Variants in SORCS2 observed in about 807,000 individuals in gnomAD.
SORCS2 encodes VPS10 domain-containing receptor SorCS2.
SORCS2 carries 100 observed loss-of-function variants against 141.6 expected under a neutral mutation model. The observed-to-expected ratio is 0.71, with a 90% CI of 0.60 to 0.83. The LOEUF (loss-of-function observed/expected upper bound fraction) is 0.83. Among genes scored for constraint, SORCS2 ranks in the 40% least tolerant of loss-of-function variants. The probability of loss-of-function intolerance (pLI) is 0.00; values close to 1 mark genes in which losing one functional copy is unlikely to be tolerated. For missense variants in SORCS2, 1,646 were observed against 1,560.2 expected (o/e 1.05, Z -0.93); for synonymous variants, 789 against 676.9 (o/e 1.17, Z -2.57).
At chr4:7,396,454 GC>G (rs1474756035) in intron 2 of SORCS2, 99 bp downstream of exon 2, 1 of 1,263,414 alleles carries the variant, frequency 7.9e-7, no homozygotes, top group East Asian at 2.4e-5. Context: ...CACTGTGGCA[GC>G]CCCTGTGAGT....
rs572212439 is a variant in SORCS2 at position 7,207,441 on chromosome 4, C to T, written c.480+14315C>T. The stretch of plus-strand genomic sequence containing the variant: ...GCCCAGCTGCTGGGCTGGAGTGTGG[C>T]GGCCACCGTGGCCAGACAATTCAGG... On this transcript the variant is annotated intron_variant, in intron 1 of 26. Transcript: ENST00000507866. Among the ~76,000 whole-genome samples, 6 of 152,316 alleles carry T rather than the reference C, an allele frequency of 3.9e-5. No homozygotes were observed. In the South Asian group the frequency reaches 8.3e-4, roughly 21 times the overall value.
chr4:7,259,347 T>C lies in SORCS2; in HGVS notation c.480+66221T>C, dbSNP rs981717976. ...ATGACTGGGGGATTTGAACCCAGGT[T>C]GTGGGACTCAGGATCTCCTCAGAAC... On this transcript the variant is annotated intron_variant, in intron 1 of 26. Transcript: ENST00000507866. Among the ~76,000 whole-genome samples, 17 of 152,312 alleles carry C rather than the reference T, an allele frequency of 1.1e-4. 1 individual carries two copies. Among genetic ancestry groups the C allele is most frequent in the African/African-American group, 3.8e-4 (16 of 41,564 alleles).
At chr4:7,422,813 C>G (rs896146513) in intron 2 of SORCS2, among the ~76,000 whole-genome samples, 1 of 152,198 alleles carries the variant, frequency 6.6e-6, no homozygotes, top group Non-Finnish European at 1.5e-5. Context: ...CCAAAGTGAA[C>G]TTCAGAGAGC....
chr4:7,685,535 G>T lies in SORCS2; in HGVS notation c.1488+2646G>T, dbSNP rs183455621. On this transcript the variant is annotated intron_variant, in intron 10 of 26. Transcript: ENST00000507866. ...AAAATACAAAAATTAGCCAGGCATG[G>T]TGGCACATGCCTATAATCCCACCTA... Among the ~76,000 whole-genome samples the T allele has an allele frequency of 6.0e-3, 913 of 152,304 alleles. 13 individuals are homozygous for T. The highest frequency in any genetic ancestry group is 0.021 in the African/African-American group (857 of 41,554).
intron 1 of SORCS2, among the ~76,000 whole-genome samples, chr4:7,243,150 C>T (rs1294003674): frequency 6.6e-6 from 1 of 152,186 alleles, no homozygotes; most frequent in Admixed American, 6.5e-5. Flanking sequence ...CACGCACAAG[C>T]TCTGGGGGAT....
At chr4:7,296,571 C>T (rs543083265) in intron 1 of SORCS2, among the ~76,000 whole-genome samples, 4 of 152,308 alleles carry the variant, frequency 2.6e-5, no homozygotes, top group East Asian at 1.9e-4. Context: ...CTCGCTCCTG[C>T]GAGGCACCGA....
In SORCS2 at chr4:7,570,995, T is replaced by G. The variant is rs374928468; in HGVS notation, c.648+39366T>G. Among the ~76,000 whole-genome samples the G allele has an allele frequency of 8.5e-5, 13 of 152,220 alleles. No individual in the cohort carries two copies. The South Asian group carries it at 2.5e-3, about 29-fold the overall frequency. The stretch of plus-strand genomic sequence containing the variant: ...AGGGAGACTTCAGAGGCGCAGCCAC[T>G]CTCCAAGGAAATCCCTGCCTGTGGC... On this transcript the variant is annotated intron_variant, in intron 3 of 26. Transcript: ENST00000507866.
At chr4:7,372,943 G>A (rs1476469208) in intron 1 of SORCS2, among the ~76,000 whole-genome samples, 1 of 151,410 alleles carries the variant, frequency 6.6e-6, no homozygotes, top group Non-Finnish European at 1.5e-5. Context: ...GTCTTCCATC[G>A]TGTGAATGAG....
intron 2 of SORCS2, among the ~76,000 whole-genome samples, chr4:7,452,933 T>G (rs1351845267): frequency 7.4e-6 from 1 of 134,956 alleles, no homozygotes; most frequent in African/African-American, 3.0e-5. Flanking sequence ...TCAGGAGCTG[T>G]GTGTTGGGGT....
chr4:7,551,258 T>A lies in SORCS2; in HGVS notation c.648+19629T>A, dbSNP rs114555728. 3.1e-3 allele frequency among the ~76,000 whole-genome samples: 462 copies of A among 148,104 alleles called. 3 individuals are homozygous for A. The highest frequency in any genetic ancestry group is 0.011 in the African/African-American group (429 of 40,520). ...CAAATAAAAGGATTGCTTTTATCAA[T>A]GTAATCCTCAGGCCAGAGTTCCATG... is the stretch of plus-strand genomic sequence containing the variant. On this transcript the variant is annotated intron_variant, in intron 3 of 26. Transcript: ENST00000507866.
intron 1 of SORCS2, among the ~76,000 whole-genome samples, chr4:7,199,658 G>T (rs534303109): frequency 6.6e-6 from 1 of 151,080 alleles, no homozygotes; most frequent in African/African-American, 2.4e-5. Flanking sequence ...GCGTAGACCC[G>T]CTTCCCTGGC....
At chr4:7,735,687 G>A (rs1346623961) in intron 25 of SORCS2, among the ~76,000 whole-genome samples, 4 of 152,166 alleles carry the variant, frequency 2.6e-5, no homozygotes, top group East Asian at 1.9e-4. Context: ...ACTGGCTTCC[G>A]AACAGGTCTA....
chr4:7,263,079 C>T (rs751046576), intron 1 of SORCS2, among the ~76,000 whole-genome samples: 6 of 152,172 alleles, frequency 3.9e-5, no homozygotes, highest in Middle Eastern at 3.2e-3. Context: ...CAGAGACCTG[C>T]GATTAAATCT....
chr4:7,399,554 A>T (rs1002969274), intron 2 of SORCS2, among the ~76,000 whole-genome samples: 3 of 151,910 alleles, frequency 2.0e-5, no homozygotes, highest in African/African-American at 7.3e-5. Context: ...TGTGGTGGTG[A>T]TGGGGGTCTC....
intron 2 of SORCS2, among the ~76,000 whole-genome samples, chr4:7,503,879 G>A (rs1163765926): frequency 6.6e-6 from 1 of 152,228 alleles, no homozygotes; most frequent in Non-Finnish European, 1.5e-5. Context: ...AGCGTAAGCA[G>A]CCTCTGGGTT....
chr4:7,424,919 C>G (rs545460664), intron 2 of SORCS2, among the ~76,000 whole-genome samples: 155 of 152,360 alleles, frequency 1.0e-3, no homozygotes, highest in African/African-American at 3.5e-3. Context: ...GGCAGGCACT[C>G]TGCTCCCAGG....
At chr4:7,604,220 G>T (rs1052280920) in intron 3 of SORCS2, among the ~76,000 whole-genome samples, 11 of 152,206 alleles carry the variant, frequency 7.2e-5, no homozygotes, top group African/African-American at 2.7e-4. Flanking sequence ...GAATCCCCAC[G>T]TGTTGAGGGA....
intron 17 of SORCS2, among the ~76,000 whole-genome samples, chr4:7,717,571 C>A (rs1259081839): frequency 6.6e-6 from 1 of 152,188 alleles, no homozygotes; most frequent in Non-Finnish European, 1.5e-5. Context: ...GGTGTGTGTG[C>A]CCATGGTTAC....
intron 18 of SORCS2, among the ~76,000 whole-genome samples, chr4:7,720,794 C>T (rs1260449622): frequency 6.6e-6 from 1 of 152,230 alleles, no homozygotes; most frequent in Non-Finnish European, 1.5e-5. Flanking sequence ...CATCACTGCG[C>T]ACCTATCAGA....
Sources: allele counts gnomAD v4.1 joint callset (sites outside exome capture counted in the v4.1 genomes callset), GRCh38; gene constraint gnomAD v4.1.1; transcripts MANE v1.5; gene names NCBI Gene and HGNC (gene_info 2026-07-23, HGNC 2026-07-21).